Variants in RBMS3 observed in about 807,000 individuals in gnomAD.
The protein encoded by RBMS3 is RNA binding motif single stranded interacting protein 3.
Under a neutral mutation model 66.8 loss-of-function variants are expected in RBMS3, and 27 were observed. That is an observed-to-expected ratio of 0.40 (90% CI 0.30 to 0.56). The LOEUF (loss-of-function observed/expected upper bound fraction) is 0.56, where lower values mean the gene tolerates loss of function less well. Among genes scored for constraint, RBMS3 ranks in the 20% least tolerant of loss-of-function variants. The pLI, the probability that RBMS3 is intolerant of heterozygous loss-of-function variation, is 0.40. For missense variants in RBMS3, 513 were observed against 549.5 expected (o/e 0.93, Z 0.66); for synonymous variants, 188 against 183.0 (o/e 1.03, Z -0.22).
At chr3:29,394,672 G>A (rs189896324) in intron 1 of RBMS3, among the ~76,000 whole-genome samples, 2 of 152,174 alleles carry the variant, frequency 1.3e-5, no homozygotes, top group African/African-American at 4.8e-5. Context: ...AGCTTCAGCC[G>A]GTACCTCCTT....
intron 3 of RBMS3, among the ~76,000 whole-genome samples, chr3:29,512,348 G>A (rs1019790511): frequency 6.6e-6 from 1 of 152,162 alleles, no homozygotes; most frequent in East Asian, 1.9e-4. Context: ...CATGTGATAA[G>A]TGCAATGAAC....
chr3:29,816,487 T>C (rs2057907262), intron 6 of RBMS3, among the ~76,000 whole-genome samples: 1 of 152,168 alleles, frequency 6.6e-6, no homozygotes, highest in African/African-American at 2.4e-5. Flanking sequence ...GCTGTTATTA[T>C]CATTTGGATA....
At chr3:29,649,039 T>A (rs2050048616) in intron 4 of RBMS3, among the ~76,000 whole-genome samples, 1 of 152,230 alleles carries the variant, frequency 6.6e-6, no homozygotes, top group Non-Finnish European at 1.5e-5. Context: ...CCTCATTCCC[T>A]GCTTCAGAAT....
intron 4 of RBMS3, among the ~76,000 whole-genome samples, chr3:29,667,854 A>G (rs955811511): frequency 6.6e-6 from 1 of 152,182 alleles, no homozygotes; most frequent in Admixed American, 6.5e-5. Context: ...AGGATGAAAA[A>G]TCATATTCAT....
chr3:29,611,328 C>G (rs1006253987), intron 4 of RBMS3, among the ~76,000 whole-genome samples: 5 of 151,926 alleles, frequency 3.3e-5, no homozygotes, highest in African/African-American at 4.8e-5. Context: ...TTTGGTAAAA[C>G]ACGTTGGTGC....
intron 7 of RBMS3, among the ~76,000 whole-genome samples, chr3:29,875,844 A>C (rs2059599290): frequency 6.6e-6 from 1 of 152,060 alleles, no homozygotes; most frequent in Non-Finnish European, 1.5e-5. Context: ...CTTAGTTCTG[A>C]TGGCATCTTT....
chr3:29,434,811 C>T lies in RBMS3; in HGVS notation c.144C>T (p.Asn48=), dbSNP rs2041337254. ...CCAGCACAAACAGCAGCAGCAACAA[C>T]AGCAGCAACAACAGCAGCGGGGAAC... The part of the protein sequence containing the change: ...PSPSTNSSSN[N]SSNNSSGEQL... Residue 48 remains asparagine (N), a synonymous_variant, in exon 2 of 15, where the codon AAC becomes AAT. Transcript: ENST00000383767. The T allele has an allele frequency of 1.9e-6, 3 of 1,613,954 alleles. No homozygotes were observed. Among genetic ancestry groups the T allele is most frequent in the Admixed American group, 3.3e-5 (2 of 59,984 alleles).
At chr3:30,000,786 G>A (rs1699566338) in intron 14 of RBMS3, among the ~76,000 whole-genome samples, 1 of 152,110 alleles carries the variant, frequency 6.6e-6, no homozygotes, top group African/African-American at 2.4e-5. Flanking sequence ...ACTAACACAA[G>A]AACAGAAAAC....
At chr3:29,587,230 T>TC (rs1388712044) in intron 4 of RBMS3, 25 bp downstream of exon 4, 31 of 543,922 alleles carry the variant, frequency 5.7e-5, no homozygotes, top group Non-Finnish European at 6.5e-5. Context: ...TAGGGGTGTT[T>TC]TTTTTTTTTT....
chr3:29,700,904 T>A (rs1235191668), intron 4 of RBMS3, among the ~76,000 whole-genome samples: 1 of 152,002 alleles, frequency 6.6e-6, no homozygotes, highest in South Asian at 2.1e-4. Context: ...ACGTTGGAGA[T>A]TGGACATTGC....
At chr3:29,358,958 G>A (rs1291753340) in intron 1 of RBMS3, among the ~76,000 whole-genome samples, 2 of 152,148 alleles carry the variant, frequency 1.3e-5, no homozygotes, top group East Asian at 3.9e-4. Flanking sequence ...TGAGATGATG[G>A]GGTTTTCTAG....
At chr3:29,935,568 T>G (rs924431892) in intron 10 of RBMS3, among the ~76,000 whole-genome samples, 9 of 152,140 alleles carry the variant, frequency 5.9e-5, no homozygotes, top group African/African-American at 2.2e-4. Flanking sequence ...TGATAGATTT[T>G]AATATGTCCT....
At chr3:29,892,613 A>G (rs1474769375) in intron 8 of RBMS3, among the ~76,000 whole-genome samples, 1 of 151,558 alleles carries the variant, frequency 6.6e-6, no homozygotes, top group Non-Finnish European at 1.5e-5. Flanking sequence ...TTGGTGAAGA[A>G]GTAAACTTTT....
intron 1 of RBMS3, among the ~76,000 whole-genome samples, chr3:29,283,788 A>G (rs1395348234): frequency 1.3e-5 from 2 of 152,166 alleles, no homozygotes; most frequent in Non-Finnish European, 2.9e-5. Context: ...AAATGTTGAC[A>G]ATGCTTTGAA....
At chr3:29,385,859 G>C (rs888388335) in intron 1 of RBMS3, among the ~76,000 whole-genome samples, 88 of 152,220 alleles carry the variant, frequency 5.8e-4, no homozygotes, top group African/African-American at 2.0e-3. Context: ...TATTTTAGCA[G>C]CTCAACACTT....
intron 3 of RBMS3, among the ~76,000 whole-genome samples, chr3:29,522,864 G>A (rs1296794897): frequency 2.6e-5 from 4 of 152,176 alleles, no homozygotes; most frequent in Non-Finnish European, 5.9e-5. Flanking sequence ...ATGAGGTGCT[G>A]TTTTGTGGAG....
intron 3 of RBMS3, among the ~76,000 whole-genome samples, chr3:29,520,654 A>G (rs914070529): frequency 1.3e-5 from 2 of 152,184 alleles, no homozygotes; most frequent in African/African-American, 4.8e-5. Flanking sequence ...TTTTTAGATC[A>G]GAAAACACAT....
At chr3:29,346,919 T>C (rs143468997) in intron 1 of RBMS3, among the ~76,000 whole-genome samples, 1 of 152,326 alleles carries the variant, frequency 6.6e-6, no homozygotes, top group African/African-American at 2.4e-5. Context: ...CCTGCAAACA[T>C]AACATTTAAA....
rs113567671 is a variant in RBMS3 at position 29,927,641 on chromosome 3, C to T, written c.940-8445C>T. ...CATATAAACTGCTGTAGAAGCCTAG[C>T]GTTGCAGGCCAAGACAGCAAGGGTA... On this transcript the variant is annotated intron_variant, in intron 10 of 14. Coordinates refer to ENST00000383767, the MANE Select transcript of RBMS3 (RefSeq NM_001003793.3). Among the ~76,000 whole-genome samples the T allele has an allele frequency of 4.8e-3, 734 of 152,216 alleles. 8 individuals carry two copies. Among genetic ancestry groups the T allele is most frequent in the African/African-American group, 0.016 (646 of 41,528 alleles).
Sources: gnomAD v4.1 joint callset for allele counts (sites outside exome capture counted in the v4.1 genomes callset) on GRCh38, gnomAD v4.1.1 for gene constraint, MANE v1.5 for transcripts, NCBI Gene and HGNC (gene_info 2026-07-23, HGNC 2026-07-21) for gene names.